Variants in CCSER1 observed in about 807,000 individuals in gnomAD.
The protein encoded by CCSER1 is serine-rich coiled-coil domain-containing protein 1.
In CCSER1, 41 loss-of-function variants were observed where a neutral mutation model predicts 82.0. The observed-to-expected ratio is 0.50, with a 90% CI of 0.39 to 0.65. CCSER1 has a LOEUF of 0.65. CCSER1 is among the 30% of genes least tolerant of loss of function. The probability of loss-of-function intolerance (pLI) is 0.00; values close to 1 mark genes in which losing one functional copy is unlikely to be tolerated. For synonymous variants in CCSER1, 414 were observed against 383.9 expected (o/e 1.08, Z -0.92); for missense variants, 1,119 against 1,064.2 (o/e 1.05, Z -0.72).
chr4:91,335,326 C>T (rs1243944397), intron 10 of CCSER1, among the ~76,000 whole-genome samples: 1 of 151,988 alleles, frequency 6.6e-6, no homozygotes, highest in Non-Finnish European at 1.5e-5. Flanking sequence ...GGCATACCTC[C>T]TACCCTGTCC....
At chr4:90,388,273 T>G (rs928172236) in intron 3 of CCSER1, among the ~76,000 whole-genome samples, 8 of 152,206 alleles carry the variant, frequency 5.3e-5, no homozygotes, top group African/African-American at 1.9e-4. Flanking sequence ...AAGAGTGACA[T>G]AGTAAGTATC....
At chr4:91,180,765 T>C (rs1371157350) in intron 10 of CCSER1, among the ~76,000 whole-genome samples, 3 of 152,128 alleles carry the variant, frequency 2.0e-5, no homozygotes, top group East Asian at 1.9e-4. Context: ...TATAGAGGTG[T>C]GAAATGGGAA....
At chr4:90,908,138 C>A (rs777388489) in intron 8 of CCSER1, among the ~76,000 whole-genome samples, 1 of 151,974 alleles carries the variant, frequency 6.6e-6, no homozygotes, top group African/African-American at 2.4e-5. Context: ...ATAGGCAAAC[C>A]ACAAATAAAA....
chr4:90,890,035 T>C (rs1463881745), intron 8 of CCSER1, among the ~76,000 whole-genome samples: 1 of 152,152 alleles, frequency 6.6e-6, no homozygotes, highest in Non-Finnish European at 1.5e-5. Flanking sequence ...ACAATTTCTT[T>C]TGTTGAATAG....
intron 10 of CCSER1, among the ~76,000 whole-genome samples, chr4:91,426,844 A>T (rs781659983): frequency 6.6e-6 from 1 of 152,210 alleles, no homozygotes; most frequent in Admixed American, 6.5e-5. Flanking sequence ...TGCTTACTAT[A>T]TGCTGGGTAC....
intron 6 of CCSER1, among the ~76,000 whole-genome samples, chr4:90,705,166 G>A (rs1014048313): frequency 2.0e-5 from 3 of 152,058 alleles, no homozygotes. Context: ...GGATGTCCTT[G>A]CTGTTTGTTA....
At chr4:90,662,048 G>A (rs1730912682) in intron 6 of CCSER1, among the ~76,000 whole-genome samples, 1 of 150,088 alleles carries the variant, frequency 6.7e-6, no homozygotes, top group Non-Finnish European at 1.5e-5. Flanking sequence ...ACCCAGGCTG[G>A]AGTGCAGCAG....
At chr4:91,086,166 T>A (rs1023820561) in intron 10 of CCSER1, among the ~76,000 whole-genome samples, 172 bp downstream of exon 10, 1 of 152,098 alleles carries the variant, frequency 6.6e-6, no homozygotes, top group African/African-American at 2.4e-5. Context: ...ATATTTTACA[T>A]GTTTATGTAA....
At chr4:91,086,570 A>G (rs984207004) in intron 10 of CCSER1, among the ~76,000 whole-genome samples, 1 of 152,024 alleles carries the variant, frequency 6.6e-6, no homozygotes. Context: ...GGTTGCTGGG[A>G]GTTGTGGGAA....
intron 10 of CCSER1, among the ~76,000 whole-genome samples, chr4:91,251,456 G>A (rs1251448761): frequency 6.6e-6 from 1 of 152,112 alleles, no homozygotes; most frequent in East Asian, 1.9e-4. Flanking sequence ...CAAGTATTCA[G>A]TCTATAGTAG....
Position 91,344,200 on chromosome 4 carries a change from T to A in CCSER1, c.2218-254372T>A, listed in dbSNP as rs184470403. Among the ~76,000 whole-genome samples the A allele has an allele frequency of 3.3e-5, 5 of 152,248 alleles. No individual in the cohort carries two copies. The East Asian group carries it at 9.7e-4, about 29-fold the overall frequency. On this transcript the variant is annotated intron_variant, in intron 10 of 10. Transcript: ENST00000509176. ...GATCTGAGAGAGTTTGTTTGCCCCT[T>A]CCTCCATGTGAGAACACATAGAATG...
chr4:91,166,516 G>T (rs955753606), intron 10 of CCSER1, among the ~76,000 whole-genome samples: 4 of 152,138 alleles, frequency 2.6e-5, no homozygotes, highest in Non-Finnish European at 5.9e-5. Flanking sequence ...CACCGTCTAA[G>T]CATCTACTTT....
At chr4:90,990,726 C>G (rs542921764) in intron 9 of CCSER1, among the ~76,000 whole-genome samples, 4 of 151,872 alleles carry the variant, frequency 2.6e-5, no homozygotes, top group African/African-American at 9.7e-5. Flanking sequence ...CTAAAATACC[C>G]TAAAGTTGAG....
chr4:91,387,756 G>C (rs1328018623), intron 10 of CCSER1, among the ~76,000 whole-genome samples: 1 of 152,002 alleles, frequency 6.6e-6, no homozygotes, highest in Non-Finnish European at 1.5e-5. Context: ...AGATAAGAGA[G>C]ATAAGAACAT....
chr4:90,504,604 A>G (rs1770415263), intron 5 of CCSER1, among the ~76,000 whole-genome samples: 1 of 152,230 alleles, frequency 6.6e-6, no homozygotes, highest in Admixed American at 6.5e-5. Context: ...ATAAGGATCT[A>G]TTAGACAAAA....
chr4:90,839,172 A>G lies in CCSER1; in HGVS notation c.2094+23327A>G, dbSNP rs1047974059. The G allele has an allele frequency of 1.1e-5, 8 of 728,990 alleles. No homozygotes were observed. In the African/African-American group the frequency reaches 1.2e-4, roughly 11 times the overall value. The allele number at this position is 728,990 out of a possible 1,614,324, so 45.2% of individuals were successfully genotyped here. On this transcript the variant is annotated intron_variant, in intron 8 of 10. Transcript: ENST00000509176. ...TTCTATATTGCTAACTTCTTTGAGA[A>G]ATATTATTATGATCTTTGTCTAAGA...
intron 3 of CCSER1, among the ~76,000 whole-genome samples, chr4:90,371,280 A>G (rs1403088354): frequency 6.6e-6 from 1 of 152,104 alleles, no homozygotes; most frequent in East Asian, 1.9e-4. Flanking sequence ...TTTTAAAATA[A>G]CAAATTGTGA....
chr4:90,455,981 A>G (rs1354220265), intron 4 of CCSER1, among the ~76,000 whole-genome samples: 1 of 152,160 alleles, frequency 6.6e-6, no homozygotes, highest in Non-Finnish European at 1.5e-5. Context: ...GTATGGACCC[A>G]TTAAATTAGT....
intron 7 of CCSER1, among the ~76,000 whole-genome samples, chr4:90,727,568 C>A (rs1743887596): frequency 1.3e-5 from 2 of 152,150 alleles, no homozygotes; most frequent in Non-Finnish European, 2.9e-5. Flanking sequence ...CCTTTGTTAG[C>A]CTTGGTAAAA....
Sources: gnomAD v4.1 joint callset for allele counts (sites outside exome capture counted in the v4.1 genomes callset) on GRCh38, gnomAD v4.1.1 for gene constraint, MANE v1.5 for transcripts, NCBI Gene and HGNC (gene_info 2026-07-23, HGNC 2026-07-21) for gene names.